Variants in SRGAP2B observed in about 807,000 individuals in gnomAD.
SRGAP2B encodes the protein SLIT-ROBO Rho GTPase-activating protein 2B.
Under a neutral mutation model 22.2 loss-of-function variants are expected in SRGAP2B, and 9 were observed. That is an observed-to-expected ratio of 0.41 (90% CI 0.24 to 0.71). The LOEUF (loss-of-function observed/expected upper bound fraction) is 0.71, where lower values mean the gene tolerates loss of function less well. Among genes scored for constraint, SRGAP2B ranks in the 30% least tolerant of loss-of-function variants. The pLI is 0.35. For missense variants in SRGAP2B, 114 were observed against 235.8 expected (o/e 0.48, Z 3.38); for synonymous variants, 36 against 87.4 (o/e 0.41, Z 3.28).
At chr1:144,932,658 A>AT (rs1249967034) in intron 4 of SRGAP2B, among the ~76,000 whole-genome samples, 4 of 127,264 alleles carry the variant, frequency 3.1e-5, no homozygotes, top group South Asian at 2.7e-4. Context: ...ATTTAGAAGC[A>AT]TTTTTTTTTA....
At chr1:145,089,070 T>C (rs1474182660) in intron 2 of SRGAP2B, among the ~76,000 whole-genome samples, 2 of 151,404 alleles carry the variant, frequency 1.3e-5, no homozygotes, top group African/African-American at 2.4e-5. Flanking sequence ...TGTGTGTACA[T>C]AGGTTATACG....
intron 2 of SRGAP2B, among the ~76,000 whole-genome samples, chr1:145,070,017 T>A (rs1439011887): frequency 3.1e-4 from 47 of 149,666 alleles, no homozygotes; most frequent in African/African-American, 1.1e-3. Context: ...TTTGGCTGGT[T>A]GAGAAGGAAT....
intron 5 of SRGAP2B, among the ~76,000 whole-genome samples, chr1:144,910,500 A>G (rs1663343391): frequency 6.7e-6 from 1 of 149,946 alleles, no homozygotes; most frequent in Admixed American, 6.6e-5. Context: ...CTCTGCCAGC[A>G]CACAGCCGAT....
intron 5 of SRGAP2B, among the ~76,000 whole-genome samples, chr1:144,910,566 GAAT>G (rs1663347639): frequency 6.7e-6 from 1 of 148,458 alleles, no homozygotes; most frequent in Non-Finnish European, 1.5e-5. Flanking sequence ...AAGGCCTCTG[GAAT>G]AACAACAGCC....
At chr1:144,991,437 C>T (rs1274173155) in intron 3 of SRGAP2B, among the ~76,000 whole-genome samples, 3 of 137,156 alleles carry the variant, frequency 2.2e-5, no homozygotes, top group South Asian at 2.5e-4. Context: ...AGCTCAAGGA[C>T]TGTAAATACA....
At chr1:144,994,765 G>T (rs1670540776) in intron 3 of SRGAP2B, among the ~76,000 whole-genome samples, 1 of 149,872 alleles carries the variant, frequency 6.7e-6, no homozygotes, top group Non-Finnish European at 1.5e-5. Context: ...AGCATGCCTG[G>T]CAACAGAGCT....
chr1:144,928,404 GTTATTTATTTATTTAT>G (rs1267611455), intron 4 of SRGAP2B, among the ~76,000 whole-genome samples: 12 of 116,212 alleles, frequency 1.0e-4, no homozygotes, highest in South Asian at 2.9e-4. Context: ...CCACTTTTTG[GTTATTTATTTATTTAT>G]TTATTTATTT....
At chr1:145,009,260 G>A (rs1157684523) in intron 2 of SRGAP2B, among the ~76,000 whole-genome samples, 1 of 149,426 alleles carries the variant, frequency 6.7e-6, no homozygotes, top group Non-Finnish European at 1.5e-5. Context: ...TCAAAGTAAT[G>A]GAGGAGAGTG....
chr1:145,032,150 GT>G (rs1187088154), intron 2 of SRGAP2B, among the ~76,000 whole-genome samples: 3 of 136,298 alleles, frequency 2.2e-5, no homozygotes, highest in Admixed American at 2.2e-4. Flanking sequence ...AGCATAGCTG[GT>G]AAGGCAGCTT....
intron 3 of SRGAP2B, among the ~76,000 whole-genome samples, chr1:144,984,369 A>AAAAACC (rs1553615558): frequency 1.3e-3 from 195 of 146,450 alleles, no homozygotes; most frequent in Admixed American, 0.01. Context: ...CAACAACAAA[A>AAAAACC]AAAAAAAAAC....
intron 2 of SRGAP2B, among the ~76,000 whole-genome samples, chr1:145,047,031 C>T: frequency 7.0e-6 from 1 of 142,152 alleles, no homozygotes. Context: ...AAAAAATTAG[C>T]CAGGCATGGT....
intron 3 of SRGAP2B, among the ~76,000 whole-genome samples, chr1:144,985,490 C>T (rs1239185403): frequency 8.0e-5 from 12 of 150,818 alleles, no homozygotes; most frequent in Non-Finnish European, 1.5e-4. Context: ...AGGTAATTTA[C>T]AGCAAGTCTA....
At chr1:144,984,824 T>C (rs587690386) in intron 3 of SRGAP2B, among the ~76,000 whole-genome samples, 7 of 150,984 alleles carry the variant, frequency 4.6e-5, no homozygotes, top group South Asian at 2.1e-4. Flanking sequence ...CCAGTGTCTA[T>C]TGCATAGAGC....
In SRGAP2B at chr1:144,964,998, G is replaced by A. The variant is rs587703161; in HGVS notation, c.261-9397C>T. The A allele has an allele frequency of 1.2e-4, 164 of 1,398,336 alleles. 3 individuals are homozygous for A. The South Asian group carries it at 1.3e-3, about 11-fold the overall frequency. The allele number at this position is 1,398,336 out of a possible 1,614,324, so 86.6% of individuals were successfully genotyped here. ...GCACCAGAGACCTTCGCCTCGCCCC[G>A]CCGGTTCCTCACCCTCGGGGAGCAA... On this transcript the variant is annotated intron_variant, in intron 3 of 9. Coordinates refer to ENST00000612199, the Ensembl canonical transcript of SRGAP2B.
Position 145,044,886 on chromosome 1 carries a change from T to C in SRGAP2B, c.67+47949A>G, listed in dbSNP as rs587626220. On this transcript the variant is annotated intron_variant, in intron 2 of 9. Transcript: ENST00000612199. Reference sequence around the variant, plus strand: ...TTGCCCAGCACTTGATCTAGAATCCTAGATTCTAGGTCTGGGTAGTAGCAG... The same window carrying C: ...TTGCCCAGCACTTGATCTAGAATCCCAGATTCTAGGTCTGGGTAGTAGCAG... Among the ~76,000 whole-genome samples, 9 of 149,124 alleles carry C rather than the reference T, an allele frequency of 6.0e-5. No individual in the cohort carries two copies. The East Asian group carries it at 1.8e-3, about 29-fold the overall frequency.
chr1:145,064,885 AT>A (rs1476657380), intron 2 of SRGAP2B, among the ~76,000 whole-genome samples: 1 of 145,668 alleles, frequency 6.9e-6, no homozygotes, highest in African/African-American at 2.6e-5. Flanking sequence ...ACCATTCTGG[AT>A]CATATCCTGT....
At chr1:145,015,422 TA>T (rs1257126756) in intron 2 of SRGAP2B, among the ~76,000 whole-genome samples, 1 of 114,414 alleles carries the variant, frequency 8.7e-6, no homozygotes, top group Non-Finnish European at 1.7e-5. Context: ...CAGTCTAATA[TA>T]AAAGTCTTTT....
At chr1:145,085,090 C>G (rs1185322530) in intron 2 of SRGAP2B, among the ~76,000 whole-genome samples, 1 of 151,552 alleles carries the variant, frequency 6.6e-6, no homozygotes, top group Non-Finnish European at 1.5e-5. Context: ...TTACAGGCAC[C>G]CACCACCACG....
At chr1:144,991,129 G>A (rs10794676) in intron 3 of SRGAP2B, among the ~76,000 whole-genome samples, 7 of 151,222 alleles carry the variant, frequency 4.6e-5, no homozygotes, top group Admixed American at 2.0e-4. Flanking sequence ...TGGTGGGGAC[G>A]TGGAAAGTCT....
Sources: allele counts gnomAD v4.1 joint callset (sites outside exome capture counted in the v4.1 genomes callset), GRCh38; gene constraint gnomAD v4.1.1; transcripts MANE v1.5; gene names NCBI Gene and HGNC (gene_info 2026-07-23, HGNC 2026-07-21).